The following RBMS3 variants were observed in gnomAD, a reference collection of about 807,000 sequenced individuals.
RBMS3 encodes RNA-binding motif, single-stranded-interacting protein 3.
RBMS3 carries 27 observed loss-of-function variants against 66.8 expected under a neutral mutation model. That is an observed-to-expected ratio of 0.40 (90% CI 0.30 to 0.56). RBMS3 has a LOEUF of 0.56. Among genes scored for constraint, RBMS3 ranks in the 20% least tolerant of loss-of-function variants. RBMS3 has a pLI of 0.40. For synonymous variants in RBMS3, 188 were observed against 183.0 expected (o/e 1.03, Z -0.22); for missense variants, 513 against 549.5 (o/e 0.93, Z 0.66).
chr3:29,664,013 C>G (rs1291817846), intron 4 of RBMS3, among the ~76,000 whole-genome samples: 2 of 152,092 alleles, frequency 1.3e-5, no homozygotes, highest in East Asian at 1.9e-4. Flanking sequence ...TTTCTGAATA[C>G]TATCATTGAA....
chr3:29,814,160 T>C (rs1228231571), intron 6 of RBMS3, among the ~76,000 whole-genome samples: 1 of 151,862 alleles, frequency 6.6e-6, no homozygotes, highest in African/African-American at 2.4e-5. Flanking sequence ...ATCCCATCAA[T>C]ACCTAATTTA....
intron 4 of RBMS3, among the ~76,000 whole-genome samples, chr3:29,646,885 A>G (rs907366270): frequency 6.6e-6 from 1 of 152,184 alleles, no homozygotes; most frequent in African/African-American, 2.4e-5. Context: ...CAAGTCAGCT[A>G]TCTTGCATAT....
At chr3:29,473,946 T>C (rs1489780432) in intron 2 of RBMS3, among the ~76,000 whole-genome samples, 1 of 151,848 alleles carries the variant, frequency 6.6e-6, no homozygotes, top group African/African-American at 2.4e-5. Context: ...AGAAAGGGGC[T>C]CCCACAGTGC....
At chr3:29,420,267 C>T (rs2040654196) in intron 1 of RBMS3, among the ~76,000 whole-genome samples, 1 of 152,190 alleles carries the variant, frequency 6.6e-6, no homozygotes, top group African/African-American at 2.4e-5. Flanking sequence ...CTCATGGTGC[C>T]TTCCGGTCCT....
At chr3:29,632,129 G>A (rs551576688) in intron 4 of RBMS3, among the ~76,000 whole-genome samples, 1 of 152,042 alleles carries the variant, frequency 6.6e-6, no homozygotes, top group South Asian at 2.1e-4. Flanking sequence ...GTGCTTTGAT[G>A]TGAGTTTTAC....
In RBMS3 at chr3:29,382,564, ATTC is replaced by A. The variant is rs543668003; in HGVS notation, c.76-52174_76-52172del. ...AAACGAATGCTCTGAAGTATTTGAA[ATTC>A]TTCTATGAGCACCGAAGCACTGCAA... On this transcript the variant is annotated intron_variant, in intron 1 of 14. Transcript: ENST00000383767. Among the ~76,000 whole-genome samples, 9 of 152,306 alleles carry A rather than the reference ATTC, an allele frequency of 5.9e-5. No homozygotes were observed. In the South Asian group the frequency reaches 1.9e-3, roughly 32 times the overall value.
intron 10 of RBMS3, among the ~76,000 whole-genome samples, chr3:29,914,994 C>A (rs188223437): frequency 2.6e-5 from 4 of 151,884 alleles, no homozygotes; most frequent in Non-Finnish European, 5.9e-5. Context: ...AAGCAATAAA[C>A]CTTTGCCAAG....
rs80165430 is a variant in RBMS3 at position 29,749,718 on chromosome 3, C to A, written c.557+9841C>A. ...GTAAGAGAACCATGTAAAAATGTAT[C>A]ATGCCAGTCTTTTCCAGAGGCCTTT... On this transcript the variant is annotated intron_variant, in intron 5 of 14. Transcript: ENST00000383767. Among the ~76,000 whole-genome samples, 131 of 152,220 alleles carry A rather than the reference C, an allele frequency of 8.6e-4. No homozygotes were observed. In the East Asian group the frequency reaches 0.023, roughly 27 times the overall value.
chr3:29,736,314 G>T (rs1474493448), intron 4 of RBMS3, among the ~76,000 whole-genome samples: 1 of 152,170 alleles, frequency 6.6e-6, no homozygotes, highest in Non-Finnish European at 1.5e-5. Context: ...AAATTAAAGA[G>T]TTGGCCTTGT....
At chr3:29,421,816 T>C (rs183105046) in intron 1 of RBMS3, among the ~76,000 whole-genome samples, 26 of 152,252 alleles carry the variant, frequency 1.7e-4, no homozygotes, top group African/African-American at 5.8e-4. Context: ...ATCTAGAGAA[T>C]TTCATTCTGA....
In RBMS3 at chr3:29,577,637, C is replaced by T. The variant is rs114742452; in HGVS notation, c.308-9477C>T. 5.1e-4 allele frequency among the ~76,000 whole-genome samples: 78 copies of T among 152,282 alleles called. 1 individual carries two copies. The highest frequency in any genetic ancestry group is 2.1e-4 in the South Asian group (1 of 4,828). ...TCTGGCTAGGTCTGGTCCAAATGCTCCCTCTGTGTGTGGGCATTGGCTGAG... is the reference window on the plus strand; with the variant it reads ...TCTGGCTAGGTCTGGTCCAAATGCTTCCTCTGTGTGTGGGCATTGGCTGAG... On this transcript the variant is annotated intron_variant, in intron 3 of 14. Transcript: ENST00000383767.
At chr3:29,306,935 C>G (rs541642371) in intron 1 of RBMS3, among the ~76,000 whole-genome samples, 130 of 151,992 alleles carry the variant, frequency 8.6e-4, no homozygotes, top group African/African-American at 2.9e-3. Context: ...TTGTGGACCC[C>G]ATAGCACATA....
chr3:29,977,563 T>C (rs996560300), intron 12 of RBMS3, among the ~76,000 whole-genome samples: 8 of 152,158 alleles, frequency 5.3e-5, no homozygotes, highest in African/African-American at 1.9e-4. Flanking sequence ...GGTGATGCAG[T>C]GTCTAGACTT....
At chr3:29,825,128 C>T (rs1422898772) in intron 6 of RBMS3, among the ~76,000 whole-genome samples, 1 of 151,594 alleles carries the variant, frequency 6.6e-6, no homozygotes, top group African/African-American at 2.4e-5. Flanking sequence ...CTCTACCTCG[C>T]AGCTTCAAGC....
At chr3:29,696,094 T>G (rs2052261414) in intron 4 of RBMS3, among the ~76,000 whole-genome samples, 1 of 152,184 alleles carries the variant, frequency 6.6e-6, no homozygotes, top group East Asian at 1.9e-4. Flanking sequence ...GTTAACTCCC[T>G]TAGGATCCTG....
intron 6 of RBMS3, among the ~76,000 whole-genome samples, chr3:29,804,633 TA>T (rs1455641126): frequency 6.6e-6 from 1 of 152,016 alleles, no homozygotes; most frequent in Non-Finnish European, 1.5e-5. Context: ...TGTATGTTTT[TA>T]AAAAATGCTG....
At chr3:29,973,306 A>G (rs1335687462) in intron 12 of RBMS3, among the ~76,000 whole-genome samples, 1 of 152,056 alleles carries the variant, frequency 6.6e-6, no homozygotes, top group African/African-American at 2.4e-5. Flanking sequence ...AAGTAGTAAC[A>G]ATACGAAAGA....
chr3:29,460,803 C>A (rs1400670330), intron 2 of RBMS3, among the ~76,000 whole-genome samples: 1 of 152,134 alleles, frequency 6.6e-6, no homozygotes, highest in East Asian at 1.9e-4. Flanking sequence ...GAGAGGGAGG[C>A]TGGGTTAGAG....
intron 14 of RBMS3, among the ~76,000 whole-genome samples, chr3:30,001,991 G>T (rs4680735): frequency 0.88 from 133,987 of 151,894 alleles, 59,479 homozygotes; most frequent in East Asian, 1. Context: ...TCAGTTCTTT[G>T]AAATGGCAAG....
Sources: gnomAD v4.1 joint callset for allele counts (sites outside exome capture counted in the v4.1 genomes callset) on GRCh38, gnomAD v4.1.1 for gene constraint, MANE v1.5 for transcripts, NCBI Gene and HGNC (gene_info 2026-07-23, HGNC 2026-07-21) for gene names.